The following TMEM255B variants were observed in gnomAD, a reference collection of about 807,000 sequenced individuals.
TMEM255B encodes transmembrane protein 255B.
Under a neutral mutation model 34.5 loss-of-function variants are expected in TMEM255B, and 35 were observed. That is an observed-to-expected ratio of 1.01 (90% CI 0.77 to 1.34). The LOEUF (loss-of-function observed/expected upper bound fraction) is 1.34. TMEM255B is among the 40% of genes most tolerant of loss of function. The pLI, the probability that TMEM255B is intolerant of heterozygous loss-of-function variation, is 0.00. For missense variants in TMEM255B, 432 were observed against 433.2 expected, an observed-to-expected ratio of 1.00 and a Z score of 0.02; for synonymous variants, 206 against 201.2, an observed-to-expected ratio of 1.02 and a Z score of -0.20.
intron 3 of TMEM255B, among the ~76,000 whole-genome samples, chr13:113,771,055 A>G (rs575750857): frequency 3.3e-5 from 5 of 152,258 alleles, no homozygotes; most frequent in African/African-American, 4.8e-5. Context: ...ACACAATTCA[A>G]TGGTTTTTAG....
chr13:113,810,853 C>A (rs1456456223), intron 8 of TMEM255B, among the ~76,000 whole-genome samples: 1 of 152,236 alleles, frequency 6.6e-6, no homozygotes. Context: ...CAGCCACACG[C>A]TGCTGGACGT....
chr13:113,765,801 G>A (rs2050378500), intron 1 of TMEM255B, among the ~76,000 whole-genome samples: 1 of 152,214 alleles, frequency 6.6e-6, no homozygotes, highest in African/African-American at 2.4e-5. Flanking sequence ...GGACACCAGG[G>A]GGAGAAAGTC....
At chr13:113,809,110 G>A (rs930741976) in intron 8 of TMEM255B, among the ~76,000 whole-genome samples, 3 of 111,938 alleles carry the variant, frequency 2.7e-5, no homozygotes, top group African/African-American at 1.0e-4. Flanking sequence ...TGGTTCCCGG[G>A]GGCTTAACTC....
chr13:113,796,243 G>A (rs530981989), intron 4 of TMEM255B, among the ~76,000 whole-genome samples: 2 of 135,274 alleles, frequency 1.5e-5, no homozygotes, highest in South Asian at 4.9e-4. Context: ...AGAGCACATA[G>A]CACACACCAC....
rs755555975 is a variant in TMEM255B at position 113,769,138 on chromosome 13, T to G, written c.230T>G (p.Leu77Trp). 2 of 1,614,174 alleles carry G rather than the reference T, an allele frequency of 1.2e-6. No individual in the cohort carries two copies. The highest frequency in any genetic ancestry group is 3.3e-5 in the Admixed American group (2 of 60,030). ...GSFLGIIGIN[L>W]VENRRQMLVA... Reference sequence around the variant, plus strand: ...TTCTTAGGAATTATTGGCATCAACTTGGTGGAGAATAGAAGGCAAATGGTA... The same window carrying G: ...TTCTTAGGAATTATTGGCATCAACTGGGTGGAGAATAGAAGGCAAATGGTA... Residue 77 changes from leucine (L) to tryptophan (W), a missense_variant, in exon 3 of 9, where the codon TTG (leucine) becomes TGG (tryptophan). Coordinates refer to ENST00000375353, the MANE Select transcript of TMEM255B (RefSeq NM_182614.4). This position sits in a 1 kb window ranked among gnomAD's most constrained non-coding sequence, Gnocchi z 4.2.
In TMEM255B at chr13:113,773,518, C is replaced by T. The variant is rs1484422029; in HGVS notation, c.252+4358C>T. ...ACTGCCAGAGCCGTGTGGTGTTCAC[C>T]TGTCCACGGGCTTCCCTCACTGGGG... On this transcript the variant is annotated intron_variant, in intron 3 of 8. Coordinates refer to ENST00000375353, the MANE Select transcript of TMEM255B (RefSeq NM_182614.4). Among the ~76,000 whole-genome samples, 3 of 152,184 alleles carry T rather than the reference C, an allele frequency of 2.0e-5. No individual in the cohort carries two copies. In the East Asian group the frequency reaches 5.8e-4, roughly 29 times the overall value.
At chr13:113,776,049 A>T (rs2050572011) in intron 3 of TMEM255B, among the ~76,000 whole-genome samples, 1 of 152,132 alleles carries the variant, frequency 6.6e-6, no homozygotes, top group African/African-American at 2.4e-5. Flanking sequence ...CCTGCCCAGG[A>T]CACCAGTCCA....
At chr13:113,791,940 C>T (rs924622067) in intron 3 of TMEM255B, among the ~76,000 whole-genome samples, 41 of 152,192 alleles carry the variant, frequency 2.7e-4, no homozygotes, top group African/African-American at 9.4e-4. Context: ...GAGCGAGGCA[C>T]GCAGCCCCCT....
chr13:113,791,443 G>A (rs1224850211), intron 3 of TMEM255B, among the ~76,000 whole-genome samples: 3 of 152,194 alleles, frequency 2.0e-5, no homozygotes, highest in Non-Finnish European at 4.4e-5. Flanking sequence ...ACGTTGGGCA[G>A]CCCCAACGAA....
chr13:113,775,957 G>C (rs997389290), intron 3 of TMEM255B, among the ~76,000 whole-genome samples: 1 of 152,200 alleles, frequency 6.6e-6, no homozygotes, highest in African/African-American at 2.4e-5. Flanking sequence ...CTGTGGCATC[G>C]GCAGGTCTCT....
intron 3 of TMEM255B, among the ~76,000 whole-genome samples, chr13:113,776,492 T>C (rs1033169261): frequency 2.0e-5 from 3 of 152,166 alleles, no homozygotes; most frequent in African/African-American, 7.2e-5. Flanking sequence ...TGGAGCCGGA[T>C]CCCCACCTGC....
chr13:113,809,625 C>CGTGGTTCCTGGGGGTTT (rs2051263141), intron 8 of TMEM255B, among the ~76,000 whole-genome samples: 1 of 133,912 alleles, frequency 7.5e-6, no homozygotes, highest in East Asian at 2.4e-4. Flanking sequence ...GAGTTTACTC[C>CGTGGTTCCTGGGGGTTT]ATGGTTCCTG....
chr13:113,800,138 G>A, intron 5 of TMEM255B: 1 of 1,073,348 alleles, frequency 9.3e-7, no homozygotes, highest in Non-Finnish European at 1.2e-6. Context: ...GTTTAGGGGG[G>A]AGGTGTCCTG....
chr13:113,799,596 T>C (rs930447552), intron 5 of TMEM255B, 177 bp downstream of exon 5: 1 of 644,986 alleles, frequency 1.6e-6, no homozygotes, highest in East Asian at 2.7e-5. Context: ...GACATTTCGA[T>C]GTGCTGTATT....
intron 3 of TMEM255B, among the ~76,000 whole-genome samples, chr13:113,789,149 T>G (rs1397758982): frequency 6.6e-6 from 1 of 151,798 alleles, no homozygotes; most frequent in Non-Finnish European, 1.5e-5. Context: ...CACCATGACC[T>G]TATGCTCAGT....
In TMEM255B at chr13:113,791,264, C is replaced by T. The variant is rs1052425555; in HGVS notation, c.253-3884C>T. ...ACATCCTGGCAGAGTCTCTGCTGCACGCATTTACGGTGAGAGACCCAGCAG... is the reference window on the plus strand; with the variant it reads ...ACATCCTGGCAGAGTCTCTGCTGCATGCATTTACGGTGAGAGACCCAGCAG... On this transcript the variant is annotated intron_variant, in intron 3 of 8. Coordinates refer to ENST00000375353, the MANE Select transcript of TMEM255B (RefSeq NM_182614.4). 4.6e-5 allele frequency among the ~76,000 whole-genome samples: 7 copies of T among 152,296 alleles called. No individual in the cohort carries two copies. The East Asian group carries it at 5.8e-4, about 13-fold the overall frequency.
intron 3 of TMEM255B, among the ~76,000 whole-genome samples, chr13:113,794,560 C>G (rs377681689): frequency 6.6e-6 from 1 of 152,082 alleles, no homozygotes; most frequent in South Asian, 2.1e-4. Flanking sequence ...CACCCGCCCT[C>G]TGGTCAGGGG....
intron 8 of TMEM255B, among the ~76,000 whole-genome samples, chr13:113,808,805 A>C (rs1190541541): frequency 3.4e-4 from 13 of 37,928 alleles, no homozygotes; most frequent in East Asian, 1.2e-3. Context: ...GGGGGGGGTT[A>C]CTCCATGTTT....
At chr13:113,787,890 C>T (rs944570696) in intron 3 of TMEM255B, among the ~76,000 whole-genome samples, 4 of 149,504 alleles carry the variant, frequency 2.7e-5, no homozygotes, top group Admixed American at 6.7e-5. Context: ...CTGCAGGTGC[C>T]GTCCACTCTC....
Sources: gnomAD v4.1 joint callset for allele counts (sites outside exome capture counted in the v4.1 genomes callset) on GRCh38, gnomAD v4.1.1 for gene constraint, Gnocchi (gnomAD v3.1) non-coding constraint, MANE v1.5 for transcripts, NCBI Gene and HGNC (gene_info 2026-07-23, HGNC 2026-07-21) for gene names.